Variants in PRKCB observed in about 807,000 individuals in gnomAD.
PRKCB encodes the protein protein kinase C beta type.
PRKCB carries 13 observed loss-of-function variants against 81.5 expected under a neutral mutation model. That is an observed-to-expected ratio of 0.16 (90% confidence interval 0.10 to 0.25). The LOEUF (loss-of-function observed/expected upper bound fraction) is 0.25. Ranked by LOEUF, PRKCB falls within the 10% of genes least tolerant of loss-of-function variation. The pLI is 1.00. For missense variants in PRKCB, 509 were observed against 875.7 expected, an observed-to-expected ratio of 0.58 and a Z score of 5.29; for synonymous variants, 335 against 321.4, an observed-to-expected ratio of 1.04 and a Z score of -0.45.
chr16:23,942,162 CCCTTTTCCT>C (rs1265377354), intron 2 of PRKCB, among the ~76,000 whole-genome samples: 1 of 152,190 alleles, frequency 6.6e-6, no homozygotes, highest in East Asian at 1.9e-4. Context: ...GCCACCAGCT[CCCTTTTCCT>C]CCTCCGCATG....
chr16:23,887,575 A>G (rs1963224045), intron 2 of PRKCB, among the ~76,000 whole-genome samples: 1 of 152,096 alleles, frequency 6.6e-6, no homozygotes, highest in African/African-American at 2.4e-5. Flanking sequence ...TATGCACCAC[A>G]TTTTCTTTAT....
In PRKCB at chr16:24,215,883, T is replaced by C. The variant is rs1446859666; in HGVS notation, c.*1067T>C. On this transcript the variant is annotated 3_prime_UTR_variant, in exon 17 of 17. Transcript: ENST00000643927. ...CACCGTTTCTTGAAACAAAGATGGT[T>C]GTATTCCTCACTTTGATGTTGTTTT... is the stretch of plus-strand genomic sequence containing the variant. 2.0e-6 allele frequency: 2 copies of C among 985,320 alleles called. No individual in the cohort carries two copies. The highest frequency in any genetic ancestry group is 2.4e-6 in the Non-Finnish European group (2 of 829,902). The allele number at this position is 985,320 out of a possible 1,614,324, so 61.0% of individuals were successfully genotyped here.
chr16:24,188,796 G>C (rs1371010729), intron 15 of PRKCB, among the ~76,000 whole-genome samples: 1 of 152,158 alleles, frequency 6.6e-6, no homozygotes, highest in Non-Finnish European at 1.5e-5. Context: ...TTGACCTTAG[G>C]CAGATGACTT....
At position 24,215,545 on chromosome 16, in the gene PRKCB, A is replaced by C; in HGVS notation, c.*729A>C. The C allele has an allele frequency of 1.0e-6, 1 of 985,840 alleles. No homozygotes were observed. 61.1% of individuals were successfully genotyped at this position (985,840 alleles called of 1,614,324 possible). On this transcript the variant is annotated 3_prime_UTR_variant, in exon 17 of 17. Transcript: ENST00000643927. The stretch of plus-strand genomic sequence containing the variant: ...TTGGCACCACTCTCTGAAACAACAC[A>C]GTCACTCTAGCAAGGCCCCCAAAGG...
In PRKCB at chr16:24,217,202, T is replaced by C. The variant is rs1238415769; in HGVS notation, c.*2386T>C. 1 of 984,688 alleles carries C rather than the reference T, an allele frequency of 1.0e-6. No individual in the cohort carries two copies. The highest frequency in any genetic ancestry group is 1.2e-6 in the Non-Finnish European group (1 of 829,648). The allele number at this position is 984,688 out of a possible 1,614,324, so 61.0% of individuals were successfully genotyped here. A position where few individuals can be genotyped will look rare whatever the true frequency, so the allele number is the denominator to read the frequency against. ...GGAAGGAATATAGTGTTATAAATAC[T>C]GCACTCAACATTTTCCAAATTCTTG... On this transcript the variant is annotated 3_prime_UTR_variant, in exon 17 of 17. Coordinates refer to ENST00000643927, the MANE Select transcript of PRKCB (RefSeq NM_002738.7).
At chr16:24,163,677 A>G (rs1212106446) in intron 10 of PRKCB, among the ~76,000 whole-genome samples, 1 of 152,268 alleles carries the variant, frequency 6.6e-6, no homozygotes, top group Non-Finnish European at 1.5e-5. Flanking sequence ...TATAAAATAC[A>G]GAGGAAGGGA....
At chr16:24,077,436 CCATA>C (rs1387828996) in intron 5 of PRKCB, among the ~76,000 whole-genome samples, 1 of 150,974 alleles carries the variant, frequency 6.6e-6, no homozygotes, top group Non-Finnish European at 1.5e-5. Flanking sequence ...TCCATCCAAT[CCATA>C]CATTCATCCA....
chr16:24,084,667 T>C (rs1265051199), intron 5 of PRKCB, among the ~76,000 whole-genome samples: 1 of 152,042 alleles, frequency 6.6e-6, no homozygotes, highest in Non-Finnish European at 1.5e-5. Flanking sequence ...CCCCCAGAAA[T>C]TGCTCAGCCC....
chr16:23,884,625 C>T lies in PRKCB; in HGVS notation c.205+47219C>T, dbSNP rs190296516. Among the ~76,000 whole-genome samples the T allele has an allele frequency of 4.5e-3, 688 of 152,310 alleles. 1 individual carries two copies. The highest frequency in any genetic ancestry group is 0.01 in the Middle Eastern group (3 of 294). On this transcript the variant is annotated intron_variant, in intron 2 of 16. Coordinates refer to ENST00000643927, the MANE Select transcript of PRKCB (RefSeq NM_002738.7). The stretch of plus-strand genomic sequence containing the variant: ...CCGTAGCTCACTGCAGCTTCAATCT[C>T]TTGGCCTAAAACAATCCTCCCACCT...
chr16:24,132,012 A>G (rs1966854020), intron 9 of PRKCB, among the ~76,000 whole-genome samples: 1 of 152,200 alleles, frequency 6.6e-6, no homozygotes, highest in Non-Finnish European at 1.5e-5. Context: ...GAATATGCGC[A>G]ACACTGCCTG....
chr16:24,088,771 C>T (rs1966339748), intron 5 of PRKCB, among the ~76,000 whole-genome samples: 1 of 150,960 alleles, frequency 6.6e-6, no homozygotes, highest in Admixed American at 6.6e-5. Context: ...AGATTGACAG[C>T]TTCAAAATAC....
chr16:24,127,004 CTT>C (rs34385102), intron 9 of PRKCB, among the ~76,000 whole-genome samples: 15,396 of 115,964 alleles, frequency 0.13, 891 homozygotes, highest in East Asian at 0.25. Context: ...TTCTTTTTTC[CTT>C]TTTTTTTTTT....
chr16:24,041,216 A>ATT (rs202084266), intron 5 of PRKCB, among the ~76,000 whole-genome samples: 10 of 150,818 alleles, frequency 6.6e-5, no homozygotes, highest in East Asian at 3.9e-4. Context: ...TGGCCGGCTA[A>ATT]TTTTTTTTTG....
chr16:24,195,297 C>A (rs115322707), intron 16 of PRKCB, among the ~76,000 whole-genome samples: 7 of 152,288 alleles, frequency 4.6e-5, no homozygotes, highest in East Asian at 1.9e-4. Flanking sequence ...CCTCCTCCCC[C>A]CAATCCCAGG....
chr16:24,147,640 T>C (rs1438152427), intron 9 of PRKCB, among the ~76,000 whole-genome samples: 3 of 152,164 alleles, frequency 2.0e-5, no homozygotes, highest in Admixed American at 1.3e-4. Flanking sequence ...ATTTAAAATA[T>C]TCCAGCACTG....
At chr16:24,182,767 G>A (rs1217761949) in intron 13 of PRKCB, among the ~76,000 whole-genome samples, 2 of 152,076 alleles carry the variant, frequency 1.3e-5, no homozygotes, top group African/African-American at 2.4e-5. Context: ...GGTTTCTTGT[G>A]CTTGCCTGAA....
At chr16:24,039,585 C>T (rs1965673411) in intron 5 of PRKCB, among the ~76,000 whole-genome samples, 2 of 152,202 alleles carry the variant, frequency 1.3e-5, no homozygotes, top group African/African-American at 4.8e-5. Flanking sequence ...ACAGCCTGAG[C>T]TGGCTGATAT....
intron 9 of PRKCB, among the ~76,000 whole-genome samples, chr16:24,132,990 A>G (rs1233110049): frequency 6.6e-6 from 1 of 152,086 alleles, no homozygotes; most frequent in Non-Finnish European, 1.5e-5. Context: ...GTAATTTCCT[A>G]GTTTTAACAG....
At chr16:24,167,621 C>T (rs1967368414) in intron 10 of PRKCB, among the ~76,000 whole-genome samples, 1 of 152,142 alleles carries the variant, frequency 6.6e-6, no homozygotes, top group Non-Finnish European at 1.5e-5. Flanking sequence ...CAGCTTCTGT[C>T]TTGATGTACC....
Sources: allele counts gnomAD v4.1 joint callset (sites outside exome capture counted in the v4.1 genomes callset), GRCh38; gene constraint gnomAD v4.1.1; transcripts MANE v1.5; gene names NCBI Gene and HGNC (gene_info 2026-07-23, HGNC 2026-07-21).